DGKI: variants seen among roughly 807,000 people sequenced by gnomAD.
The protein encoded by DGKI is diacylglycerol kinase iota.
Under a neutral mutation model 147.5 loss-of-function variants are expected in DGKI, and 55 were observed. That is an observed-to-expected ratio of 0.37 (90% CI 0.30 to 0.47). The LOEUF (loss-of-function observed/expected upper bound fraction) is 0.47, where lower values mean the gene tolerates loss of function less well. DGKI is among the 20% of genes least tolerant of loss of function. The probability of loss-of-function intolerance (pLI) is 1.00; values close to 1 mark genes in which losing one functional copy is unlikely to be tolerated. For synonymous variants in DGKI, 469 were observed against 477.1 expected (o/e 0.98, Z 0.22); for missense variants, 1,007 against 1,323.8 (o/e 0.76, Z 3.71).
intron 23 of DGKI, among the ~76,000 whole-genome samples, chr7:137,472,802 A>T (rs753675828): frequency 2.8e-4 from 43 of 152,054 alleles, no homozygotes; most frequent in Non-Finnish European, 5.0e-4. Context: ...TTAAACAGAA[A>T]CAGGATTATC....
chr7:137,829,671 G>A (rs903193842), intron 1 of DGKI, among the ~76,000 whole-genome samples: 3 of 152,148 alleles, frequency 2.0e-5, no homozygotes, highest in South Asian at 2.1e-4. Flanking sequence ...TGTATTGAAC[G>A]GCATAGCCTT....
intron 7 of DGKI, among the ~76,000 whole-genome samples, chr7:137,620,935 T>C (rs1390304124): frequency 6.6e-6 from 1 of 152,246 alleles, no homozygotes; most frequent in Non-Finnish European, 1.5e-5. Flanking sequence ...AACTATATTA[T>C]TTATCATTTT....
chr7:137,719,167 C>T (rs990089402), intron 1 of DGKI, among the ~76,000 whole-genome samples: 4 of 152,190 alleles, frequency 2.6e-5, no homozygotes, highest in South Asian at 4.2e-4. Context: ...TGAAGTCAAA[C>T]ATTCTCTGTG....
intron 28 of DGKI, among the ~76,000 whole-genome samples, chr7:137,435,538 T>C (rs1358273536): frequency 6.6e-6 from 1 of 152,002 alleles, no homozygotes; most frequent in East Asian, 1.9e-4. Flanking sequence ...AGTAACTCTC[T>C]AAAGCTCGAA....
chr7:137,401,647 A>T (rs1811766332), intron 30 of DGKI, among the ~76,000 whole-genome samples: 1 of 152,162 alleles, frequency 6.6e-6, no homozygotes, highest in Non-Finnish European at 1.5e-5. Context: ...TCCCCTAAGG[A>T]ATTTCGAGGG....
chr7:137,675,112 T>C (rs2116372775), intron 3 of DGKI, among the ~76,000 whole-genome samples: 1 of 152,288 alleles, frequency 6.6e-6, no homozygotes, highest in Non-Finnish European at 1.5e-5. Context: ...AAGACTGTTG[T>C]TCTAAGAAAA....
intron 1 of DGKI, among the ~76,000 whole-genome samples, chr7:137,815,076 C>A (rs1429340298): frequency 6.6e-6 from 1 of 151,448 alleles, no homozygotes; most frequent in Non-Finnish European, 1.5e-5. Context: ...AAAAAAAAAA[C>A]TAAATAATAT....
At position 137,521,936 on chromosome 7, in the gene DGKI, G is replaced by T; in HGVS notation, c.2178C>A (p.Ile726=). The part of the protein sequence containing the change: ...DPQSVPDRLR[I]RVNKISLQDY... ...CTTGTAAACTGATTTTGTTCACCCG[G>T]ATCCTCAGACGATCTGGGACAGACT... is the stretch of plus-strand genomic sequence containing the variant. Residue 726 remains isoleucine, a synonymous_variant, in exon 21 of 33, where the codon ATC becomes ATA. Transcript: ENST00000614521. The T allele has an allele frequency of 6.2e-7, 1 of 1,611,832 alleles. No homozygotes were observed. Among genetic ancestry groups the T allele is most frequent in the Non-Finnish European group, 8.5e-7 (1 of 1,178,742 alleles).
At chr7:137,397,294 G>T in intron 31 of DGKI, 83 bp downstream of exon 31, 2 of 1,314,810 alleles carry the variant, frequency 1.5e-6, no homozygotes, top group South Asian at 1.3e-5. Flanking sequence ...AATTACCTAT[G>T]ATATGCTCTA....
chr7:137,780,196 C>T (rs932855933), intron 1 of DGKI, among the ~76,000 whole-genome samples: 6 of 152,132 alleles, frequency 3.9e-5, no homozygotes, highest in Non-Finnish European at 7.4e-5. Context: ...GTTGATGACT[C>T]CCAACTTTCT....
intron 27 of DGKI, among the ~76,000 whole-genome samples, chr7:137,446,347 A>G (rs1389311253): frequency 6.6e-6 from 1 of 152,230 alleles, no homozygotes; most frequent in Non-Finnish European, 1.5e-5. Flanking sequence ...TGTCTCCCAT[A>G]TGCCTGGCTT....
chr7:137,445,232 T>C (rs1452157331), intron 27 of DGKI, among the ~76,000 whole-genome samples: 1 of 152,198 alleles, frequency 6.6e-6, no homozygotes, highest in Non-Finnish European at 1.5e-5. Context: ...GTTTATTATG[T>C]GAGTGAACAG....
chr7:137,481,202 A>C (rs1267716992), intron 23 of DGKI, among the ~76,000 whole-genome samples: 1 of 152,084 alleles, frequency 6.6e-6, no homozygotes, highest in African/African-American at 2.4e-5. Context: ...GACCTTGCCA[A>C]ATGTCCCCTA....
In DGKI at chr7:137,619,898, C is replaced by T. The variant is rs1820679172; in HGVS notation, c.919G>A (p.Glu307Lys). The T allele has an allele frequency of 2.5e-6, 4 of 1,613,990 alleles. No individual in the cohort carries two copies. Among genetic ancestry groups the T allele is most frequent in the South Asian group, 1.1e-5 (1 of 91,060 alleles). ...VTCFMLHHIE[E>K]PCSLGAHAAV... ...GCATGAGCCCCCAGGGAGCAGGGTT[C>T]TTCAATGTGATGCAGCATGAAGCAG... The change falls in exon 8 of 33, where the codon GAA (glutamate) becomes AAA (lysine). Residue 307 changes from glutamate to lysine, a missense_variant. This residue lies in a region of DGKI where 259 missense variants were observed against 362.5 expected (regional missense o/e 0.71). Coordinates refer to ENST00000614521, the MANE Select transcript of DGKI (RefSeq NM_001321708.2).
chr7:137,702,522 G>C (rs1265513301), intron 1 of DGKI, among the ~76,000 whole-genome samples: 1 of 152,118 alleles, frequency 6.6e-6, no homozygotes, highest in East Asian at 1.9e-4. Flanking sequence ...AAGAAATCCT[G>C]CAACAATCTG....
chr7:137,620,044 C>CAT, intron 7 of DGKI, 104 bp from the exon 8 acceptor site: 1 of 759,652 alleles, frequency 1.3e-6, no homozygotes, highest in Non-Finnish European at 2.3e-6. Flanking sequence ...CACACACACA[C>CAT]ACACACACAC....
At chr7:137,523,743 G>T (rs1245960011) in intron 20 of DGKI, among the ~76,000 whole-genome samples, 1 of 152,136 alleles carries the variant, frequency 6.6e-6, no homozygotes, top group African/African-American at 2.4e-5. Context: ...AAGCATTTAA[G>T]TTGTGATTGG....
At chr7:137,549,960 G>A (rs772565758) in intron 20 of DGKI, among the ~76,000 whole-genome samples, 2 of 152,146 alleles carry the variant, frequency 1.3e-5, no homozygotes, top group Non-Finnish European at 2.9e-5. Flanking sequence ...TCAAAATGTA[G>A]TGTTGAATGA....
chr7:137,649,294 C>T (rs1821940434), intron 5 of DGKI, among the ~76,000 whole-genome samples: 2 of 152,120 alleles, frequency 1.3e-5, no homozygotes, highest in South Asian at 4.1e-4. Context: ...GCTTTAATTT[C>T]TCACACTCTT....
Sources: allele counts gnomAD v4.1 joint callset (sites outside exome capture counted in the v4.1 genomes callset), GRCh38; gene constraint gnomAD v4.1.1; regional missense constraint gnomAD v4.1.1; transcripts MANE v1.5; gene names NCBI Gene and HGNC (gene_info 2026-07-23, HGNC 2026-07-21).